The following ABI3BP variants were observed in gnomAD, a reference collection of about 807,000 sequenced individuals.
The protein encoded by ABI3BP is ABI family member 3 binding protein.
Under a neutral mutation model 268.6 loss-of-function variants are expected in ABI3BP, and 216 were observed. The ratio of observed to expected loss-of-function variants is 0.80; its 90% CI spans 0.72 to 0.90. The LOEUF is 0.90. Ranked by LOEUF, ABI3BP falls within the 40% of genes least tolerant of loss-of-function variation. The probability of loss-of-function intolerance (pLI) is 0.00; values close to 1 mark genes in which losing one functional copy is unlikely to be tolerated. For synonymous variants in ABI3BP, 730 were observed against 730.0 expected (o/e 1.00, Z 0.00); for missense variants, 2,090 against 2,182.4 (o/e 0.96, Z 0.84).
At chr3:100,821,533 C>T (rs371878625) in intron 38 of ABI3BP, among the ~76,000 whole-genome samples, 60 of 152,022 alleles carry the variant, frequency 3.9e-4, no homozygotes, top group African/African-American at 7.2e-4. Flanking sequence ...TAGGCATCTC[C>T]GCCATGGGTA....
intron 67 of ABI3BP, 104 bp downstream of exon 67, chr3:100,751,448 T>C (rs947525478): frequency 4.1e-6 from 5 of 1,209,676 alleles, no homozygotes; most frequent in Non-Finnish European, 5.4e-6. Flanking sequence ...TGTGGAGCAG[T>C]AGTACTATAG....
At position 100,944,354 on chromosome 3, in the gene ABI3BP, T is replaced by C. The variant is rs563696450; in HGVS notation, c.80-17873A>G. 2.6e-5 allele frequency among the ~76,000 whole-genome samples: 4 copies of C among 152,272 alleles called. No individual in the cohort carries two copies. The South Asian group carries it at 8.3e-4, about 32-fold the overall frequency. ...TCATACTTCTTTTTCTTTTCTTCTC[T>C]TGATAACTCCAGTTTGGGCACTCAT... On this transcript the variant is annotated intron_variant, in intron 1 of 67. Coordinates refer to ENST00000471714, the MANE Select transcript of ABI3BP (RefSeq NM_001375547.2).
chr3:100,862,899 G>C lies in ABI3BP; in HGVS notation c.1149C>G (p.Ser383Arg). 6.5e-7 allele frequency: 1 copy of C among 1,535,458 alleles called. No individual in the cohort carries two copies. The highest frequency in any genetic ancestry group is 8.7e-7 in the Non-Finnish European group (1 of 1,146,454). The change falls in exon 13 of 68, where the codon AGC becomes AGG. Residue 383 changes from serine to arginine, a missense_variant. Physicochemically the swap from Ser to Arg is moderately radical, Grantham distance 110. Transcript: ENST00000471714. ...ELPLSTLAPKSLPEFPEAKTP... is the reference protein window; with the variant it reads ...ELPLSTLAPKRLPEFPEAKTP... ...TTTTTGCCTCAGGAAATTCTGGAAG[G>C]CTTTTTGGAGCTGTAATGAAACACA...
intron 4 of ABI3BP, among the ~76,000 whole-genome samples, chr3:100,894,643 A>G (rs1424832172): frequency 1.3e-5 from 2 of 152,118 alleles, no homozygotes; most frequent in African/African-American, 2.4e-5. Context: ...TTCTACGTTA[A>G]GAGTAAGTAA....
intron 51 of ABI3BP, among the ~76,000 whole-genome samples, chr3:100,803,280 G>A (rs972335240): frequency 1.4e-5 from 2 of 144,196 alleles, no homozygotes; most frequent in African/African-American, 4.9e-5. Context: ...ACGGGTTAGA[G>A]TTTGTATGAA....
At position 100,750,462 on chromosome 3, in the gene ABI3BP, A is replaced by C. The variant is rs16842705; in HGVS notation, c.*33T>G. On this transcript the variant is annotated 3_prime_UTR_variant, in exon 68 of 68. Coordinates refer to ENST00000471714, the MANE Select transcript of ABI3BP (RefSeq NM_001375547.2). ...AGTATTTTCAATGATTTTTGTTTGC[A>C]ATGATGAAACAGAAGGTAACTTTGT... The C allele has an allele frequency of 0.012, 17,661 of 1,515,552 alleles. 687 individuals carry two copies. The African/African-American group carries it at 0.13, about 11-fold the overall frequency. 93.9% of individuals were successfully genotyped at this position (1,515,552 alleles called of 1,614,324 possible).
At chr3:100,922,984 A>G (rs191988453) in intron 2 of ABI3BP, among the ~76,000 whole-genome samples, 1 of 152,364 alleles carries the variant, frequency 6.6e-6, no homozygotes, top group African/African-American at 2.4e-5. Context: ...TTTTGAAGTA[A>G]TAAAAGCAGA....
At chr3:100,767,194 C>T (rs2096314811) in intron 62 of ABI3BP, among the ~76,000 whole-genome samples, 1 of 152,194 alleles carries the variant, frequency 6.6e-6, no homozygotes, top group South Asian at 2.1e-4. Context: ...CCCACCTCAG[C>T]TTCTCAAAAG....
chr3:100,836,038 A>AGT (rs1203617313), intron 27 of ABI3BP, among the ~76,000 whole-genome samples: 2 of 152,140 alleles, frequency 1.3e-5, no homozygotes, highest in Non-Finnish European at 2.9e-5. Flanking sequence ...TTGTTTTGAG[A>AGT]GTGGTAGTTG....
intron 63 of ABI3BP, among the ~76,000 whole-genome samples, chr3:100,760,323 T>G (rs908984528): frequency 6.6e-6 from 1 of 152,036 alleles, no homozygotes; most frequent in African/African-American, 2.4e-5. Flanking sequence ...GAGAGGTGAG[T>G]TCATTGGAAG....
chr3:100,850,144 A>G (rs1311265584), intron 16 of ABI3BP, 25 bp from the exon 17 acceptor site: 1 of 1,589,958 alleles, frequency 6.3e-7, no homozygotes, highest in East Asian at 2.3e-5. Context: ...ACCCCAACCC[A>G]TCAAATAATC....
At chr3:100,956,214 AACACAC>A (rs58723365) in intron 1 of ABI3BP, among the ~76,000 whole-genome samples, 24,665 of 133,490 alleles carry the variant, frequency 0.18, 2,576 homozygotes, top group African/African-American at 0.27. Context: ...AAAGAAAAAC[AACACAC>A]ACACACACAC....
At chr3:100,982,459 C>T (rs557485439) in intron 1 of ABI3BP, among the ~76,000 whole-genome samples, 1 of 151,870 alleles carries the variant, frequency 6.6e-6, no homozygotes, top group African/African-American at 2.4e-5. Flanking sequence ...GAAAAAAACC[C>T]TAATGTTCAG....
chr3:100,817,602 T>C, intron 41 of ABI3BP, 107 bp from the exon 42 acceptor site: 1 of 837,012 alleles, frequency 1.2e-6, no homozygotes. Flanking sequence ...TTTTTGCAGA[T>C]TTGGCCAAAC....
chr3:100,915,034 G>A (rs945026069), intron 2 of ABI3BP, among the ~76,000 whole-genome samples: 2 of 152,056 alleles, frequency 1.3e-5, no homozygotes, highest in Non-Finnish European at 2.9e-5. Flanking sequence ...GCCATTGAAG[G>A]CACAAAATTC....
chr3:100,750,615 G>A lies in ABI3BP; in HGVS notation c.5246-5C>T, dbSNP rs770126141. The A allele has an allele frequency of 7.5e-6, 12 of 1,601,986 alleles. No homozygotes were observed. The highest frequency in any genetic ancestry group is 1.1e-5 in the South Asian group (1 of 90,482). On this transcript the variant is annotated splice_region_variant and splice_polypyrimidine_tract_variant and intron_variant, in intron 67 of 67. Coordinates refer to ENST00000471714, the MANE Select transcript of ABI3BP (RefSeq NM_001375547.2). Reference sequence around the variant, plus strand: ...GGCGAACTGCTCTGAAATAACCTGAGAGAGAAAATAGTTTCATTTTAATAG... The same window carrying A: ...GGCGAACTGCTCTGAAATAACCTGAAAGAGAAAATAGTTTCATTTTAATAG...
At chr3:100,751,772 A>C (rs553394067) in intron 66 of ABI3BP, 98 bp from the exon 67 acceptor site, 159 of 1,241,482 alleles carry the variant, frequency 1.3e-4, no homozygotes, top group Non-Finnish European at 1.6e-4. Context: ...TTCTCCCCTC[A>C]TTCTCTATTA....
chr3:100,842,138 G>T, intron 20 of ABI3BP, 99 bp from the exon 21 acceptor site: 1 of 970,726 alleles, frequency 1.0e-6, no homozygotes, highest in Non-Finnish European at 1.6e-6. Context: ...TCTCCTGGGT[G>T]AATGATTAGG....
At chr3:100,909,037 A>G (rs2153542712) in intron 2 of ABI3BP, among the ~76,000 whole-genome samples, 1 of 152,360 alleles carries the variant, frequency 6.6e-6, no homozygotes, top group Non-Finnish European at 1.5e-5. Flanking sequence ...CCAAAACAGC[A>G]TGGTACTGGT....
Sources: allele counts gnomAD v4.1 joint callset (sites outside exome capture counted in the v4.1 genomes callset), GRCh38; gene constraint gnomAD v4.1.1; transcripts MANE v1.5; gene names NCBI Gene and HGNC (gene_info 2026-07-23, HGNC 2026-07-21).